Variants in BBS9 observed in about 807,000 individuals in gnomAD.
BBS9 encodes the protein Bardet-Biedl syndrome 9.
Under a neutral mutation model 117.7 loss-of-function variants are expected in BBS9, and 89 were observed. The ratio of observed to expected loss-of-function variants is 0.76; its 90% CI spans 0.64 to 0.90. The LOEUF (loss-of-function observed/expected upper bound fraction) is 0.90. Ranked by LOEUF, BBS9 falls within the 40% of genes least tolerant of loss-of-function variation. The pLI is 0.00. For synonymous variants in BBS9, 379 were observed against 370.9 expected (o/e 1.02, Z -0.25); for missense variants, 982 against 1,042.2 (o/e 0.94, Z 0.80).
At chr7:33,475,067 C>T (rs1388488877) in intron 19 of BBS9, among the ~76,000 whole-genome samples, 1 of 152,182 alleles carries the variant, frequency 6.6e-6, no homozygotes, top group Non-Finnish European at 1.5e-5. Context: ...AAACCAATAA[C>T]TGGCAAGAAA....
At chr7:33,132,538 A>G (rs10227739) in intron 1 of BBS9, among the ~76,000 whole-genome samples, 23,310 of 152,200 alleles carry the variant, frequency 0.15, 2,011 homozygotes, top group South Asian at 0.21. Flanking sequence ...TAAAATGCAA[A>G]CCTCGGTTCC....
intron 19 of BBS9, among the ~76,000 whole-genome samples, chr7:33,426,519 C>T (rs1031104020): frequency 6.6e-6 from 1 of 152,198 alleles, no homozygotes; most frequent in Non-Finnish European, 1.5e-5. Flanking sequence ...CCCCAGATTT[C>T]CCAAACTGTG....
intron 19 of BBS9, among the ~76,000 whole-genome samples, chr7:33,435,659 T>C (rs1029645637): frequency 3.9e-5 from 6 of 152,196 alleles, no homozygotes; most frequent in Non-Finnish European, 7.3e-5. Context: ...ATATCCTGTG[T>C]TTGCAACTGT....
At chr7:33,303,709 G>A (rs957694967) in intron 9 of BBS9, among the ~76,000 whole-genome samples, 4 of 151,954 alleles carry the variant, frequency 2.6e-5, no homozygotes, top group Non-Finnish European at 5.9e-5. Flanking sequence ...GGGTTTCGCC[G>A]TGTTGACCGG....
chr7:33,582,494 CT>C (rs1368295641), intron 21 of BBS9, among the ~76,000 whole-genome samples: 1 of 151,694 alleles, frequency 6.6e-6, no homozygotes, highest in Non-Finnish European at 1.5e-5. Context: ...TCACTGTTCC[CT>C]TTTCATAGTT....
intron 5 of BBS9, among the ~76,000 whole-genome samples, chr7:33,187,063 T>C (rs572905716): frequency 1.3e-5 from 2 of 152,346 alleles, no homozygotes; most frequent in South Asian, 4.1e-4. Flanking sequence ...TTTTGTTTCT[T>C]TGTGTTACTA....
intron 19 of BBS9, among the ~76,000 whole-genome samples, chr7:33,400,176 G>T (rs1828672820): frequency 6.6e-6 from 1 of 151,998 alleles, no homozygotes; most frequent in Non-Finnish European, 1.5e-5. Context: ...TGAGTCAGAA[G>T]TAATCAGTGT....
At chr7:33,532,817 C>G (rs1850788878) in intron 20 of BBS9, among the ~76,000 whole-genome samples, 1 of 152,160 alleles carries the variant, frequency 6.6e-6, no homozygotes, top group East Asian at 1.9e-4. Flanking sequence ...CTCTCTGAGT[C>G]TCAGGGCTCT....
chr7:33,389,685 TCTAAAAA>T (rs1826689999), intron 19 of BBS9, among the ~76,000 whole-genome samples: 1 of 45,620 alleles, frequency 2.2e-5, no homozygotes. Flanking sequence ...CAAGACTCCA[TCTAAAAA>T]AAAAAAAAAA....
At chr7:33,437,543 C>G (rs577240869) in intron 19 of BBS9, among the ~76,000 whole-genome samples, 2 of 152,246 alleles carry the variant, frequency 1.3e-5, no homozygotes, top group South Asian at 2.1e-4. Flanking sequence ...CACAAGAAGT[C>G]ATAGCTTCTT....
intron 19 of BBS9, among the ~76,000 whole-genome samples, chr7:33,396,454 C>CA (rs1017200115): frequency 1.3e-5 from 2 of 151,886 alleles, no homozygotes; most frequent in Non-Finnish European, 2.9e-5. Flanking sequence ...GATACATTTG[C>CA]AAAAAATTGA....
At chr7:33,248,733 C>A (rs1487972444) in intron 5 of BBS9, among the ~76,000 whole-genome samples, 1 of 152,094 alleles carries the variant, frequency 6.6e-6, no homozygotes, top group East Asian at 1.9e-4. Context: ...GTAACAATAA[C>A]AAATTTTTTT....
chr7:33,343,675 T>C (rs952741520), intron 11 of BBS9, among the ~76,000 whole-genome samples: 3 of 152,070 alleles, frequency 2.0e-5, no homozygotes, highest in African/African-American at 7.2e-5. Context: ...ATTTTTGTAT[T>C]TTTAGTAGAG....
rs1815486011 is a variant in BBS9 at position 33,336,866 on chromosome 7, A to G, written c.1198+244A>G. Among the ~76,000 whole-genome samples, 4 of 152,284 alleles carry G rather than the reference A, an allele frequency of 2.6e-5. No individual in the cohort carries two copies. In the South Asian group the frequency reaches 6.2e-4, roughly 24 times the overall value. ...TTGTTAATGTTTCATGGACAGCACT[A>G]TCTAGTTTTTTTCTTTACATGCTAA... is the stretch of plus-strand genomic sequence containing the variant. On this transcript the variant is annotated intron_variant, in intron 10 of 22. Transcript: ENST00000242067.
intron 4 of BBS9, among the ~76,000 whole-genome samples, chr7:33,172,059 G>A (rs569465485): frequency 2.6e-5 from 4 of 152,136 alleles, no homozygotes; most frequent in African/African-American, 9.6e-5. Flanking sequence ...CTTGGTTCTG[G>A]CTTGTAGCTG....
intron 21 of BBS9, among the ~76,000 whole-genome samples, chr7:33,613,799 TTGTCCCCAG>T (rs1864997053): frequency 2.0e-5 from 3 of 152,028 alleles, no homozygotes; most frequent in Admixed American, 6.6e-5. Flanking sequence ...CCAAGGCTTC[TTGTCCCCAG>T]TCCGGGGTTC....
At chr7:33,599,743 T>G (rs1863498833) in intron 21 of BBS9, among the ~76,000 whole-genome samples, 1 of 152,220 alleles carries the variant, frequency 6.6e-6, no homozygotes, top group African/African-American at 2.4e-5. Flanking sequence ...CAGAAAAGTT[T>G]TTAAAGTAAT....
At chr7:33,136,661 T>C (rs563901121) in intron 1 of BBS9, among the ~76,000 whole-genome samples, 6 of 152,296 alleles carry the variant, frequency 3.9e-5, no homozygotes, top group African/African-American at 1.4e-4. Flanking sequence ...CTACCTTGCA[T>C]TCCTCAGGCA....
At chr7:33,505,876 A>G in intron 20 of BBS9, 1 of 539,378 alleles carries the variant, frequency 1.9e-6, no homozygotes, top group South Asian at 2.1e-5. Context: ...GGTCCAGTCT[A>G]CTTTTTATGT....
Sources: allele counts gnomAD v4.1 joint callset (sites outside exome capture counted in the v4.1 genomes callset), GRCh38; gene constraint gnomAD v4.1.1; transcripts MANE v1.5; gene names NCBI Gene and HGNC (gene_info 2026-07-23, HGNC 2026-07-21).